OLA1: variants seen among roughly 807,000 people sequenced by gnomAD.
The protein encoded by OLA1 is Obg like ATPase 1, also known as obg-like ATPase 1.
OLA1 carries 14 observed loss-of-function variants against 48.4 expected under a neutral mutation model. That is an observed-to-expected ratio of 0.29 (90% CI 0.19 to 0.45). OLA1 has a LOEUF of 0.45. OLA1 is among the 20% of genes least tolerant of loss of function. The pLI, the probability that OLA1 is intolerant of heterozygous loss-of-function variation, is 1.00. For synonymous variants in OLA1, 127 were observed against 150.4 expected (o/e 0.84, Z 1.14); for missense variants, 325 against 467.1 (o/e 0.70, Z 2.80).
In OLA1 at chr2:174,087,010, T is replaced by A. The variant is rs541081146; in HGVS notation, c.729-4946A>T. 5.1e-4 allele frequency among the ~76,000 whole-genome samples: 77 copies of A among 152,074 alleles called. 3 individuals are homozygous for A. In the South Asian group the frequency reaches 0.015, roughly 30 times the overall value. The stretch of plus-strand genomic sequence containing the variant: ...GTCCTTTTCTTGCTTTCAAGTCCTA[T>A]TGTATATTCTTTCTTTTTTTCTTTT... On this transcript the variant is annotated intron_variant, in intron 7 of 10. Coordinates refer to ENST00000284719, the MANE Select transcript of OLA1 (RefSeq NM_013341.5).
chr2:174,199,772 T>C (rs971347476), intron 4 of OLA1, among the ~76,000 whole-genome samples: 4 of 152,210 alleles, frequency 2.6e-5, no homozygotes, highest in African/African-American at 9.6e-5. Context: ...CACATTCCGA[T>C]TAACTTTTAA....
chr2:174,119,243 T>C (rs1230665913), intron 7 of OLA1, among the ~76,000 whole-genome samples: 2 of 152,178 alleles, frequency 1.3e-5, no homozygotes, highest in Non-Finnish European at 2.9e-5. Flanking sequence ...AAATAATCAA[T>C]TCCACAAAAT....
At chr2:174,214,030 T>C (rs1044426227) in intron 4 of OLA1, among the ~76,000 whole-genome samples, 1 of 150,004 alleles carries the variant, frequency 6.7e-6, no homozygotes, top group African/African-American at 2.5e-5. Context: ...CAACAATGCA[T>C]CATTAAAAAC....
chr2:174,146,767 T>C lies in OLA1; in HGVS notation c.374-4767A>G, dbSNP rs80061304. 8.6e-3 allele frequency among the ~76,000 whole-genome samples: 1,306 copies of C among 152,298 alleles called. 21 individuals carry two copies. Among genetic ancestry groups the C allele is most frequent in the African/African-American group, 0.03 (1,229 of 41,564 alleles). On this transcript the variant is annotated intron_variant, in intron 4 of 10. Transcript: ENST00000284719. ...TAGAGATAAAGACAGATAAAATTTC[T>C]TATAACTCAAGAGTCCAAAAGAGCT...
chr2:174,166,753 T>C (rs980425460), intron 4 of OLA1, among the ~76,000 whole-genome samples: 3 of 152,134 alleles, frequency 2.0e-5, no homozygotes, highest in African/African-American at 7.2e-5. Context: ...ATCTTTAAAG[T>C]ATGGGGGCAC....
At chr2:174,130,928 G>A (rs1686167108) in intron 5 of OLA1, among the ~76,000 whole-genome samples, 1 of 152,014 alleles carries the variant, frequency 6.6e-6, no homozygotes, top group Non-Finnish European at 1.5e-5. Flanking sequence ...AGAACAGTGA[G>A]GTTAGAAAAA....
At chr2:174,195,696 G>A (rs1687865077) in intron 4 of OLA1, among the ~76,000 whole-genome samples, 1 of 152,104 alleles carries the variant, frequency 6.6e-6, no homozygotes, top group African/African-American at 2.4e-5. Flanking sequence ...TATTATTGAG[G>A]TTTAGCAAGC....
intron 7 of OLA1, among the ~76,000 whole-genome samples, chr2:174,088,282 C>T (rs1173617504): frequency 6.6e-6 from 1 of 152,180 alleles, no homozygotes; most frequent in Non-Finnish European, 1.5e-5. Context: ...ACTTTTCTCC[C>T]TTGAAGGTTT....
At chr2:174,111,141 A>G (rs1685638404) in intron 7 of OLA1, among the ~76,000 whole-genome samples, 1 of 152,208 alleles carries the variant, frequency 6.6e-6, no homozygotes, top group Non-Finnish European at 1.5e-5. Context: ...TAAGAAAATC[A>G]TTACTCTCTC....
intron 7 of OLA1, among the ~76,000 whole-genome samples, chr2:174,085,265 G>A (rs1684943265): frequency 1.3e-5 from 2 of 152,216 alleles, no homozygotes; most frequent in African/African-American, 2.4e-5. Context: ...CTGTGGACTG[G>A]TACCAGGCCA....
intron 1 of OLA1, chr2:174,247,625 C>T: frequency 6.5e-7 from 1 of 1,549,712 alleles, no homozygotes; most frequent in Non-Finnish European, 8.7e-7. Flanking sequence ...TCTTATCTTT[C>T]CCATTCGCCC....
intron 4 of OLA1, among the ~76,000 whole-genome samples, chr2:174,214,007 C>CA (rs919454581): frequency 4.4e-4 from 64 of 144,010 alleles, no homozygotes; most frequent in Middle Eastern, 3.6e-3. Flanking sequence ...CTACTTTCAC[C>CA]AAAAAAAAAA....
At chr2:174,248,413 T>G (rs1301205109) in intron 1 of OLA1, 39 bp downstream of exon 1, 1 of 160,626 alleles carries the variant, frequency 6.2e-6, no homozygotes, top group Admixed American at 6.5e-5. Flanking sequence ...GCCGAAGACC[T>G]GGCGGAGATC....
chr2:174,085,468 G>A (rs1684949459), intron 7 of OLA1, among the ~76,000 whole-genome samples: 1 of 152,172 alleles, frequency 6.6e-6, no homozygotes, highest in Non-Finnish European at 1.5e-5. Context: ...GATCTGAGGT[G>A]GAACAGTTTC....
intron 3 of OLA1, 131 bp from the exon 4 acceptor site, chr2:174,223,291 G>T: frequency 1.2e-6 from 1 of 842,848 alleles, no homozygotes; most frequent in Non-Finnish European, 1.8e-6. Flanking sequence ...TTTGATAAAT[G>T]AATATCCACC....
rs529701920 is a variant in OLA1, at chr2:174,212,257, C to A, written c.373+10776G>T. Among the ~76,000 whole-genome samples the A allele has an allele frequency of 1.1e-4, 16 of 152,260 alleles. No homozygotes were observed. The East Asian group carries it at 3.1e-3, about 29-fold the overall frequency. On this transcript the variant is annotated intron_variant, in intron 4 of 10. Coordinates refer to ENST00000284719, the MANE Select transcript of OLA1 (RefSeq NM_013341.5). Reference sequence around the variant, plus strand: ...GTTACTATACTGAATACTGAAAGCACTTGTAACACAATGGTAAGTATTTGT... The same window carrying A: ...GTTACTATACTGAATACTGAAAGCAATTGTAACACAATGGTAAGTATTTGT...
chr2:174,204,697 A>C (rs73972502), intron 4 of OLA1, among the ~76,000 whole-genome samples: 1,568 of 151,808 alleles, frequency 0.01, 25 homozygotes, highest in African/African-American at 0.036. Context: ...ATTAATAATA[A>C]AGCTATTCCA....
At chr2:174,213,927 TTA>T (rs1688304418) in intron 4 of OLA1, among the ~76,000 whole-genome samples, 1 of 151,994 alleles carries the variant, frequency 6.6e-6, no homozygotes, top group Admixed American at 6.5e-5. Context: ...GTAGCAAATT[TTA>T]TGTTATGTAT....
At chr2:174,213,266 C>T (rs1688284655) in intron 4 of OLA1, among the ~76,000 whole-genome samples, 1 of 152,180 alleles carries the variant, frequency 6.6e-6, no homozygotes, top group Non-Finnish European at 1.5e-5. Flanking sequence ...CAGAAAGCAA[C>T]ACTCTTGCTT....
Sources: gnomAD v4.1 joint callset for allele counts (sites outside exome capture counted in the v4.1 genomes callset) on GRCh38, gnomAD v4.1.1 for gene constraint, MANE v1.5 for transcripts, NCBI Gene and HGNC (gene_info 2026-07-23, HGNC 2026-07-21) for gene names.